Variants in MCC observed in about 807,000 individuals in gnomAD.
MCC encodes the protein MCC regulator of Wnt signaling pathway.
A neutral mutation model predicts 116.2 loss-of-function variants in MCC; 90 were observed. The observed-to-expected ratio is 0.77, with a 90% confidence interval of 0.65 to 0.92. The LOEUF (loss-of-function observed/expected upper bound fraction) is 0.92, where lower values mean the gene tolerates loss of function less well. MCC is among the 40% of genes least tolerant of loss of function. The probability of loss-of-function intolerance (pLI) is 0.00; values close to 1 mark genes in which losing one functional copy is unlikely to be tolerated. For missense variants in MCC, 1,516 were observed against 1,312.2 expected, an observed-to-expected ratio of 1.16 and a Z score of -2.40; for synonymous variants, 578 against 510.5, an observed-to-expected ratio of 1.13 and a Z score of -1.78.
In MCC at chr5:113,035,660, T is replaced by C. The variant is rs936928267; in HGVS notation, c.2757-6604A>G. On this transcript the variant is annotated intron_variant, in intron 17 of 18. Coordinates refer to ENST00000408903, the MANE Select transcript of MCC (RefSeq NM_001085377.2). ...CAGCCAGGGCCTCTTCCGGATATGA[T>C]TCTGCCTCTCTCCTCCTCATCTCAG... Among the ~76,000 whole-genome samples the C allele has an allele frequency of 3.9e-5, 6 of 152,156 alleles. No homozygotes were observed. The South Asian group carries it at 8.3e-4, about 21-fold the overall frequency.
chr5:113,099,011 T>A (rs78398614), intron 8 of MCC, among the ~76,000 whole-genome samples: 2,053 of 152,170 alleles, frequency 0.013, 24 homozygotes, highest in South Asian at 0.067. Flanking sequence ...AGATCCCTCC[T>A]GAGGGAAATA....
intron 1 of MCC, among the ~76,000 whole-genome samples, chr5:113,484,598 T>A (rs1772463446): frequency 1.3e-5 from 2 of 152,206 alleles, no homozygotes; most frequent in African/African-American, 2.4e-5. Context: ...CAATCAGTAC[T>A]ATGATGGACA....
intron 3 of MCC, among the ~76,000 whole-genome samples, chr5:113,171,949 C>T (rs371452910): frequency 5.3e-5 from 8 of 152,174 alleles, no homozygotes; most frequent in African/African-American, 1.7e-4. Context: ...CCATCAGTGC[C>T]ATGTTTTGAC....
intron 8 of MCC, among the ~76,000 whole-genome samples, chr5:113,094,403 C>T (rs902454818): frequency 2.0e-5 from 3 of 150,206 alleles, no homozygotes; most frequent in Non-Finnish European, 4.4e-5. Context: ...TTGGAAAAGG[C>T]CAGCATTTTG....
chr5:113,437,631 G>A (rs1770901254), intron 1 of MCC, among the ~76,000 whole-genome samples: 1 of 152,180 alleles, frequency 6.6e-6, no homozygotes, highest in Non-Finnish European at 1.5e-5. Context: ...AGGAGAAATA[G>A]TGCTGCACTT....
At position 113,280,779 on chromosome 5, in the gene MCC, GA is replaced by G. The variant is rs571187995; in HGVS notation, c.627+59739del. Among the ~76,000 whole-genome samples the G allele has an allele frequency of 1.8e-3, 267 of 152,278 alleles. 1 individual carries two copies. The highest frequency in any genetic ancestry group is 6.1e-3 in the African/African-American group (252 of 41,552). The stretch of plus-strand genomic sequence containing the variant: ...CCTGTGATTCTCCTTTTACCTGTTG[GA>G]TATTCAGACCAACCTAGGTTGGAGG... On this transcript the variant is annotated intron_variant, in intron 3 of 18. Transcript: ENST00000408903.
At chr5:113,054,487 G>T (rs1226586050) in intron 14 of MCC, among the ~76,000 whole-genome samples, 2 of 152,256 alleles carry the variant, frequency 1.3e-5, no homozygotes, top group African/African-American at 4.8e-5. Context: ...CCTATGGCAT[G>T]ATCCACAGAT....
At chr5:113,149,239 TA>T (rs532697646) in intron 4 of MCC, among the ~76,000 whole-genome samples, 3,619 of 147,828 alleles carry the variant, frequency 0.024, 144 homozygotes, top group African/African-American at 0.084. Flanking sequence ...TATTTTCTCT[TA>T]AAAAAAAAAC....
rs1170296235 is a variant in MCC, at chr5:113,340,602, G to A, written c.544C>T (p.Gln182Ter). Reference sequence around the variant, plus strand: ...GTGAGCAGTTTGTGGAGAGCAGCCTGCTGATGCAAAGAGCTTCCGCCATAC... The same window carrying A: ...GTGAGCAGTTTGTGGAGAGCAGCCTACTGATGCAAAGAGCTTCCGCCATAC... ...LEYGGSSLHQ[Q>*]AALHKLLTQS... The change falls in exon 3 of 19, where the codon CAG (glutamine) becomes TAG (stop). Residue 182 changes from glutamine to a stop codon, truncating the protein, a stop_gained. Transcript: ENST00000408903. LOFTEE classifies it high-confidence loss of function. The A allele has an allele frequency of 6.2e-7, 1 of 1,614,070 alleles. No individual in the cohort carries two copies. The highest frequency in any genetic ancestry group is 8.5e-7 in the Non-Finnish European group (1 of 1,180,024).
At chr5:113,284,516 G>A (rs1766171784) in intron 3 of MCC, among the ~76,000 whole-genome samples, 1 of 152,100 alleles carries the variant, frequency 6.6e-6, no homozygotes, top group African/African-American at 2.4e-5. Context: ...CTGTAATATA[G>A]AAATAGAGGA....
At chr5:113,077,094 C>T (rs535534782) in intron 11 of MCC, among the ~76,000 whole-genome samples, 1 of 152,246 alleles carries the variant, frequency 6.6e-6, no homozygotes, top group African/African-American at 2.4e-5. Context: ...ATCAATTCAA[C>T]AAGAAGAGCT....
chr5:113,287,229 C>T (rs975551180), intron 3 of MCC, among the ~76,000 whole-genome samples: 1 of 146,786 alleles, frequency 6.8e-6, no homozygotes, highest in African/African-American at 2.6e-5. Flanking sequence ...ACCTTGCCAA[C>T]ACAAACCCCT....
At chr5:113,313,861 C>T (rs13360719) in intron 3 of MCC, among the ~76,000 whole-genome samples, 22,939 of 151,914 alleles carry the variant, frequency 0.15, 2,506 homozygotes, top group Admixed American at 0.28. Context: ...TGCTCTGTTG[C>T]CCACGCTGGA....
chr5:113,414,513 C>A (rs2150404260), intron 1 of MCC, among the ~76,000 whole-genome samples: 1 of 152,276 alleles, frequency 6.6e-6, no homozygotes, highest in African/African-American at 2.4e-5. Flanking sequence ...ATCCCTTTAC[C>A]ATTATGTAAT....
intron 6 of MCC, among the ~76,000 whole-genome samples, chr5:113,121,848 C>G (rs1158426251): frequency 1.3e-5 from 2 of 150,786 alleles, no homozygotes; most frequent in Non-Finnish European, 2.9e-5. Flanking sequence ...TCTTTTGACT[C>G]CACACCCTTC....
intron 12 of MCC, among the ~76,000 whole-genome samples, chr5:113,068,578 G>A (rs142278630): frequency 1.1e-3 from 175 of 152,338 alleles, no homozygotes; most frequent in African/African-American, 4.1e-3. Flanking sequence ...TGGTCTGTGT[G>A]ACAGAAGTGA....
intron 3 of MCC, among the ~76,000 whole-genome samples, chr5:113,186,644 A>G (rs1024829303): frequency 6.6e-6 from 1 of 152,212 alleles, no homozygotes; most frequent in Admixed American, 6.5e-5. Context: ...ATCAACACAT[A>G]TATTAGAGAA....
chr5:113,231,060 C>T (rs942804888), intron 3 of MCC, among the ~76,000 whole-genome samples: 1 of 151,674 alleles, frequency 6.6e-6, no homozygotes, highest in African/African-American at 2.4e-5. Context: ...AAAAGCAAAT[C>T]CTCTTCTCCA....
At chr5:113,414,764 A>C (rs1770096147) in intron 1 of MCC, among the ~76,000 whole-genome samples, 1 of 152,148 alleles carries the variant, frequency 6.6e-6, no homozygotes, top group Non-Finnish European at 1.5e-5. Flanking sequence ...TAGCCCACTT[A>C]CATTTAAGGT....
Sources: allele counts gnomAD v4.1 joint callset (sites outside exome capture counted in the v4.1 genomes callset), GRCh38; gene constraint gnomAD v4.1.1; transcripts MANE v1.5; gene names NCBI Gene and HGNC (gene_info 2026-07-23, HGNC 2026-07-21).